Variants in NLRP13 observed in about 807,000 individuals in gnomAD.
NLRP13 encodes the protein NLR family pyrin domain containing 13.
A neutral mutation model predicts 94.4 loss-of-function variants in NLRP13; 82 were observed. That is an observed-to-expected ratio of 0.87 (90% confidence interval 0.73 to 1.04). The LOEUF (loss-of-function observed/expected upper bound fraction) is 1.04. Among genes scored for constraint, NLRP13 ranks in the 50% least tolerant of loss-of-function variants. The pLI is 0.00. For missense variants in NLRP13, 1,426 were observed against 1,230.8 expected, an observed-to-expected ratio of 1.16 and a Z score of -2.37; for synonymous variants, 553 against 464.7, an observed-to-expected ratio of 1.19 and a Z score of -2.45.
intron 7 of NLRP13, among the ~76,000 whole-genome samples, chr19:55,905,484 T>C (rs918958884): frequency 1.3e-5 from 2 of 150,886 alleles, no homozygotes; most frequent in South Asian, 2.1e-4. Context: ...CATATATATA[T>C]ACACACATAT....
At chr19:55,926,312 C>G (rs928713914) in intron 1 of NLRP13, among the ~76,000 whole-genome samples, 1 of 152,192 alleles carries the variant, frequency 6.6e-6, no homozygotes, top group African/African-American at 2.4e-5. Context: ...AGGACTAGTA[C>G]ATGGCTGCAA....
chr19:55,931,722 A>AGAAAG, intron 1 of NLRP13, among the ~76,000 whole-genome samples: 1 of 107,414 alleles, frequency 9.3e-6, no homozygotes, highest in East Asian at 2.9e-4. Flanking sequence ...AAAAAAAAAA[A>AGAAAG]AAAGAAAGAA....
chr19:55,902,188 A>G lies in NLRP13; in HGVS notation c.2636T>C (p.Leu879Pro). ...LERLELWFCQLAAPACKHLSD... is the reference protein window; with the variant it reads ...LERLELWFCQPAAPACKHLSD... Reference sequence around the variant, plus strand: ...CAAGTGCTTGCAAGCGGGTGCTGCCAGCTGGCAAAACCAGAGCCTGCAGGG... The same window carrying G: ...CAAGTGCTTGCAAGCGGGTGCTGCCGGCTGGCAAAACCAGAGCCTGCAGGG... The change falls in exon 9 of 11, where the codon CTG becomes CCG. Residue 879 changes from leucine to proline, a missense_variant. Coordinates refer to ENST00000342929, the MANE Select transcript of NLRP13 (RefSeq NM_176810.2). 1 of 1,613,886 alleles carries G rather than the reference A, an allele frequency of 6.2e-7. No individual in the cohort carries two copies. The highest frequency in any genetic ancestry group is 8.5e-7 in the Non-Finnish European group (1 of 1,179,924).
intron 1 of NLRP13, among the ~76,000 whole-genome samples, chr19:55,929,500 T>A (rs1307108400): frequency 1.3e-5 from 2 of 152,130 alleles, no homozygotes; most frequent in African/African-American, 4.8e-5. Context: ...CTGGAAACCA[T>A]CATTCTCAGC....
chr19:55,898,967 A>G (rs1986091750), intron 9 of NLRP13, 30 bp from the exon 10 acceptor site: 1 of 1,586,290 alleles, frequency 6.3e-7, no homozygotes, highest in Non-Finnish European at 8.5e-7. Flanking sequence ...AAAAGGGGGG[A>G]AAGTAATTGC....
rs1374026699 is a variant in NLRP13 at position 55,898,792 on chromosome 19, G to A, written c.2935C>T (p.His979Tyr). ...VKLLCEALKP[H>Y]RALHTLGLAK... ...CACCCAAGTGTGTGCAATGCACGAT[G>A]TGGTTTCAGAGCCTCACACAGTAGC... Residue 979 changes from histidine to tyrosine, a missense_variant, in exon 10 of 11, where the codon CAT becomes TAT. Physicochemically the swap from His to Tyr is moderately conservative, Grantham distance 83. Coordinates refer to ENST00000342929, the MANE Select transcript of NLRP13 (RefSeq NM_176810.2). 1 of 1,610,938 alleles carries A rather than the reference G, an allele frequency of 6.2e-7. No homozygotes were observed. The highest frequency in any genetic ancestry group is 1.3e-5 in the African/African-American group (1 of 74,828).
chr19:55,892,547 G>A (rs183538620), downstream of NLRP13, among the ~76,000 whole-genome samples: 2 of 152,064 alleles, frequency 1.3e-5, no homozygotes, highest in Admixed American at 1.3e-4. Context: ...TTAGGCTCCT[G>A]AATAGCTGGG....
chr19:55,907,744 GGT>G (rs1568691486), intron 7 of NLRP13, 46 bp downstream of exon 7: 20 of 1,589,092 alleles, frequency 1.3e-5, no homozygotes, highest in Non-Finnish European at 1.6e-5. Flanking sequence ...GGAAGCTACT[GGT>G]GGTCTTGCAA....
At chr19:55,905,484 T>A (rs918958884) in intron 7 of NLRP13, among the ~76,000 whole-genome samples, 1 of 150,808 alleles carries the variant, frequency 6.6e-6, no homozygotes, top group South Asian at 2.1e-4. Flanking sequence ...CATATATATA[T>A]ACACACATAT....
At chr19:55,918,078 T>C (rs1986716134) in intron 4 of NLRP13, among the ~76,000 whole-genome samples, 1 of 151,814 alleles carries the variant, frequency 6.6e-6, no homozygotes, top group Admixed American at 6.6e-5. Flanking sequence ...CAGACTACAG[T>C]GAAATAAAAC....
intron 2 of NLRP13, 71 bp downstream of exon 2, chr19:55,924,896 C>T (rs185383733): frequency 3.9e-5 from 50 of 1,271,800 alleles, no homozygotes; most frequent in African/African-American, 3.1e-4. Flanking sequence ...GAGTAGGCAG[C>T]GGATGTGGAC....
At chr19:55,930,925 A>T (rs1373049509) in intron 1 of NLRP13, among the ~76,000 whole-genome samples, 1 of 107,370 alleles carries the variant, frequency 9.3e-6, no homozygotes, top group Non-Finnish European at 1.8e-5. Flanking sequence ...CTTAAACAGC[A>T]TGGTTTTATA....
In NLRP13 at chr19:55,911,803, G is replaced by A. The variant is rs566634719; in HGVS notation, c.2014C>T (p.Gln672Ter). 1 of 1,613,944 alleles carries A rather than the reference G, an allele frequency of 6.2e-7. No individual in the cohort carries two copies. Among genetic ancestry groups the A allele is most frequent in the South Asian group, 1.1e-5 (1 of 91,080 alleles). The change falls in exon 5 of 11, where the codon CAA (glutamine) becomes TAA (stop). Residue 672 changes from glutamine to a stop codon, truncating the protein, a stop_gained. Transcript: ENST00000342929. LOFTEE classifies it high-confidence loss of function. The stretch of plus-strand genomic sequence containing the variant: ...TGCTTTAGGCAAAATGAAGAAGCTT[G>A]GAGTTCTTCGTCCTCCAAAATATTA... ...DLNILEDEEL[Q>*]ASSFCLKHCK...
chr19:55,931,722 A>AGAAAGAAAGAAGGAAAGAAAGAAGG (rs1468023647), intron 1 of NLRP13, among the ~76,000 whole-genome samples: 1 of 107,328 alleles, frequency 9.3e-6, no homozygotes, highest in Admixed American at 1.1e-4. Flanking sequence ...AAAAAAAAAA[A>AGAAAGAAAGAAGGAAAGAAAGAAGG]AAAGAAAGAA....
At chr19:55,893,258 C>T (rs371352447), downstream of NLRP13, among the ~76,000 whole-genome samples, 28 of 152,024 alleles carry the variant, frequency 1.8e-4, no homozygotes, top group African/African-American at 6.3e-4. Flanking sequence ...TGTGGTGGCA[C>T]GTGCCTGTAA....
At chr19:55,913,735 T>A (rs1568695951) in intron 4 of NLRP13, among the ~76,000 whole-genome samples, 1 of 151,786 alleles carries the variant, frequency 6.6e-6, no homozygotes. Flanking sequence ...AGAAGAATCA[T>A]CAGAAGAGAA....
intron 1 of NLRP13, among the ~76,000 whole-genome samples, chr19:55,928,099 G>A (rs1458336580): frequency 6.6e-6 from 1 of 152,192 alleles, no homozygotes. Flanking sequence ...TGAGGTGGAT[G>A]TGGCCCAGGG....
chr19:55,916,478 A>T (rs1432148825), intron 4 of NLRP13, among the ~76,000 whole-genome samples: 13 of 152,208 alleles, frequency 8.5e-5, no homozygotes. Flanking sequence ...AAATCAGAAA[A>T]TAAATTCAGG....
Position 55,904,998 on chromosome 19 carries a change from G to A in NLRP13, c.2562C>T (p.Gly854=), listed in dbSNP as rs1175536712. Residue 854 remains glycine, a synonymous_variant, in exon 8 of 11, where the codon GGC becomes GGT. Coordinates refer to ENST00000342929, the MANE Select transcript of NLRP13 (RefSeq NM_176810.2). ...TCAGGGCCGCACACAATAGCTTTAT[G>A]CCATCATCTTGGAGCCGATTAAATC... ...CLGFNRLQDD[G]IKLLCAALTH... The A allele has an allele frequency of 6.2e-7, 1 of 1,613,868 alleles. No individual in the cohort carries two copies. Among genetic ancestry groups the A allele is most frequent in the African/African-American group, 1.3e-5 (1 of 74,846 alleles).
Sources: allele counts gnomAD v4.1 joint callset (sites outside exome capture counted in the v4.1 genomes callset), GRCh38; gene constraint gnomAD v4.1.1; transcripts MANE v1.5; gene names NCBI Gene and HGNC (gene_info 2026-07-23, HGNC 2026-07-21).